OSBPL6: variants seen among roughly 807,000 people sequenced by gnomAD.
OSBPL6 encodes the protein oxysterol binding protein like 6.
A neutral mutation model predicts 125.8 loss-of-function variants in OSBPL6; 49 were observed. The ratio of observed to expected loss-of-function variants is 0.39; its 90% CI spans 0.31 to 0.49. The LOEUF is 0.49. Ranked by LOEUF, OSBPL6 falls within the 20% of genes least tolerant of loss-of-function variation. The pLI is 0.88. For synonymous variants in OSBPL6, 394 were observed against 391.8 expected (o/e 1.01, Z -0.07); for missense variants, 986 against 1,135.4 (o/e 0.87, Z 1.89).
In OSBPL6 at chr2:178,285,958, G is replaced by A. The variant is rs114062836; in HGVS notation, c.-156+837G>A. 8.8e-3 allele frequency among the ~76,000 whole-genome samples: 1,334 copies of A among 152,284 alleles called. 18 individuals carry two copies. The highest frequency in any genetic ancestry group is 0.03 in the African/African-American group (1,233 of 41,550). ...GATGCCATTCCCGCCCTTTCCTAGCGTGGACTGGTTCCTCTTGGTAGAGCA... is the reference window on the plus strand; with the variant it reads ...GATGCCATTCCCGCCCTTTCCTAGCATGGACTGGTTCCTCTTGGTAGAGCA... On this transcript the variant is annotated intron_variant, in intron 2 of 24. Coordinates refer to ENST00000190611, the MANE Select transcript of OSBPL6 (RefSeq NM_032523.4).
rs1695492350 is a variant in OSBPL6 at position 178,392,486 on chromosome 2, G to A, written c.2521G>A (p.Val841Ile). 6.2e-7 allele frequency: 1 copy of A among 1,614,092 alleles called. No individual in the cohort carries two copies. Among genetic ancestry groups the A allele is most frequent in the Non-Finnish European group, 8.5e-7 (1 of 1,180,010 alleles). The change falls in exon 23 of 25, where the codon GTA (valine) becomes ATA (isoleucine). Residue 841 changes from valine to isoleucine, a missense_variant. Physicochemically the swap from Val to Ile is conservative, Grantham distance 29. Around this residue, in one of 3 missense-constraint regions of OSBPL6, gnomAD observed 843 missense variants for 997.3 expected, o/e 0.85. Coordinates refer to ENST00000190611, the MANE Select transcript of OSBPL6 (RefSeq NM_032523.4). ...FAIELNELDP[V>I]LKDLLPPTDA... ...TATTGAGCTCAATGAGTTAGATCCAGTACTAAAAGATCTCCTTCCACCAAC... is the reference window on the plus strand; with the variant it reads ...TATTGAGCTCAATGAGTTAGATCCAATACTAAAAGATCTCCTTCCACCAAC...
At chr2:178,230,160 C>T (rs1209994551) in intron 1 of OSBPL6, among the ~76,000 whole-genome samples, 1 of 152,180 alleles carries the variant, frequency 6.6e-6, no homozygotes, top group African/African-American at 2.4e-5. Flanking sequence ...TGTTACACAA[C>T]ATTGCCCACA....
intron 13 of OSBPL6, among the ~76,000 whole-genome samples, chr2:178,367,860 A>G (rs1001511342): frequency 6.6e-6 from 1 of 152,166 alleles, no homozygotes; most frequent in Non-Finnish European, 1.5e-5. Flanking sequence ...CCTGGCTTCA[A>G]GGTGCTTCCT....
intron 1 of OSBPL6, among the ~76,000 whole-genome samples, chr2:178,232,938 A>C (rs367635858): frequency 6.6e-6 from 1 of 152,306 alleles, no homozygotes; most frequent in East Asian, 1.9e-4. Flanking sequence ...AACTCAGAAC[A>C]CCTGACTCTT....
intron 1 of OSBPL6, among the ~76,000 whole-genome samples, chr2:178,198,488 G>A (rs13004565): frequency 0.31 from 47,314 of 150,940 alleles, 9,286 homozygotes; most frequent in East Asian, 0.65. Context: ...GTAGAGAGGG[G>A]GTTTCACCAT....
intron 1 of OSBPL6, among the ~76,000 whole-genome samples, chr2:178,204,555 C>G (rs1176716791): frequency 1.3e-5 from 2 of 152,212 alleles, no homozygotes; most frequent in Non-Finnish European, 1.5e-5. Flanking sequence ...TCTTGGGGAT[C>G]ACTGTCTTTT....
At chr2:178,231,258 G>A (rs1376516651) in intron 1 of OSBPL6, among the ~76,000 whole-genome samples, 1 of 152,144 alleles carries the variant, frequency 6.6e-6, no homozygotes, top group Non-Finnish European at 1.5e-5. Flanking sequence ...AGGGAAAGCT[G>A]GTCACCCCAC....
At chr2:178,194,248 G>A (rs138440334), upstream of OSBPL6, among the ~76,000 whole-genome samples, 17 of 152,284 alleles carry the variant, frequency 1.1e-4, no homozygotes, top group South Asian at 2.9e-3. Context: ...GGCCAGGGGA[G>A]AGCCCTGGCT....
At chr2:178,377,798 G>A (rs190529732) in intron 15 of OSBPL6, among the ~76,000 whole-genome samples, 65 of 152,224 alleles carry the variant, frequency 4.3e-4, no homozygotes, top group African/African-American at 1.6e-3. Flanking sequence ...ATTTAGAGTT[G>A]CCATTTCTTC....
intron 1 of OSBPL6, among the ~76,000 whole-genome samples, chr2:178,248,725 G>A (rs1307215610): frequency 7.2e-5 from 11 of 151,984 alleles, no homozygotes; most frequent in African/African-American, 1.5e-4. Context: ...CCAGTATTAG[G>A]TGTTTTAGAG....
chr2:178,356,485 A>G (rs1691807740), intron 12 of OSBPL6, among the ~76,000 whole-genome samples: 1 of 152,216 alleles, frequency 6.6e-6, no homozygotes, highest in Non-Finnish European at 1.5e-5. Context: ...ACTCCCATTC[A>G]CAATTGCTTC....
intron 24 of OSBPL6, among the ~76,000 whole-genome samples, chr2:178,394,861 A>C (rs1470965317): frequency 6.6e-6 from 1 of 152,156 alleles, no homozygotes; most frequent in East Asian, 1.9e-4. Flanking sequence ...ATAGTAGGTG[A>C]TTATTACAGG....
chr2:178,214,486 G>C (rs373090028), intron 1 of OSBPL6, among the ~76,000 whole-genome samples: 206 of 152,286 alleles, frequency 1.4e-3, no homozygotes, highest in African/African-American at 4.4e-3. Context: ...CTGTCTGGAC[G>C]AACAGACTGG....
chr2:178,351,385 A>G (rs1047146913), intron 12 of OSBPL6, among the ~76,000 whole-genome samples: 17 of 152,222 alleles, frequency 1.1e-4, no homozygotes, highest in African/African-American at 3.9e-4. Flanking sequence ...TAATGAATGA[A>G]TTCATTAAAG....
At chr2:178,311,210 C>G (rs1487805321) in intron 3 of OSBPL6, among the ~76,000 whole-genome samples, 1 of 152,140 alleles carries the variant, frequency 6.6e-6, no homozygotes, top group Non-Finnish European at 1.5e-5. Context: ...CTCAGATGTG[C>G]TAAGAACACA....
intron 12 of OSBPL6, among the ~76,000 whole-genome samples, chr2:178,351,758 G>A (rs557656299): frequency 1.1e-4 from 16 of 152,270 alleles, no homozygotes; most frequent in African/African-American, 2.9e-4. Flanking sequence ...CAAATACCAC[G>A]TGTTCTCACT....
intron 11 of OSBPL6, among the ~76,000 whole-genome samples, chr2:178,346,424 A>C (rs1690724438): frequency 6.6e-6 from 1 of 152,212 alleles, no homozygotes; most frequent in Admixed American, 6.5e-5. Flanking sequence ...CACTGTCAGC[A>C]ACTCCATTGT....
At chr2:178,260,693 C>A (rs1212499409) in intron 1 of OSBPL6, among the ~76,000 whole-genome samples, 1 of 152,142 alleles carries the variant, frequency 6.6e-6, no homozygotes, top group Non-Finnish European at 1.5e-5. Flanking sequence ...GCTGATAATT[C>A]TAATTCAGAT....
At chr2:178,394,566 T>C in intron 24 of OSBPL6, 131 bp downstream of exon 24, 2 of 1,204,012 alleles carry the variant, frequency 1.7e-6, no homozygotes, top group African/African-American at 1.5e-5. Flanking sequence ...AGTGAAAATA[T>C]TGAATCGATT....
Sources: gnomAD v4.1 joint callset for allele counts (sites outside exome capture counted in the v4.1 genomes callset) on GRCh38, gnomAD v4.1.1 for gene constraint, gnomAD v4.1.1 regional missense constraint, MANE v1.5 for transcripts, NCBI Gene and HGNC (gene_info 2026-07-23, HGNC 2026-07-21) for gene names.